SCN8A: variants seen among roughly 807,000 people sequenced by gnomAD.
SCN8A encodes the protein sodium voltage-gated channel alpha subunit 8.
In SCN8A, 30 loss-of-function variants were observed where a neutral mutation model predicts 184.1. The observed-to-expected ratio is 0.16, with a 90% CI of 0.12 to 0.22. SCN8A has a LOEUF of 0.22. Ranked by LOEUF, SCN8A falls within the 10% of genes least tolerant of loss-of-function variation. The pLI is 1.00. For synonymous variants in SCN8A, 852 were observed against 907.0 expected (o/e 0.94, Z 1.09); for missense variants, 1,057 against 2,498.9 (o/e 0.42, Z 12.30).
chr12:51,734,580 T>A (rs1942294021), intron 12 of SCN8A, among the ~76,000 whole-genome samples: 1 of 152,226 alleles, frequency 6.6e-6, no homozygotes, highest in African/African-American at 2.4e-5. Flanking sequence ...TTGCCGTCAT[T>A]CCTGTAAACC....
At chr12:51,776,397 A>G (rs1366208173) in intron 20 of SCN8A, among the ~76,000 whole-genome samples, 1 of 152,242 alleles carries the variant, frequency 6.6e-6, no homozygotes, top group Non-Finnish European at 1.5e-5. Context: ...CTTGATCATT[A>G]CATTACTGTG....
chr12:51,707,114 G>T (rs1358755350), intron 11 of SCN8A, among the ~76,000 whole-genome samples: 1 of 151,828 alleles, frequency 6.6e-6, no homozygotes, highest in African/African-American at 2.4e-5. Flanking sequence ...CCATTTATTT[G>T]TTGATGGGCA....
chr12:51,676,780 T>C (rs1388903800), intron 2 of SCN8A, among the ~76,000 whole-genome samples: 2 of 152,142 alleles, frequency 1.3e-5, no homozygotes, highest in Non-Finnish European at 2.9e-5. Context: ...TCTTGTTGAT[T>C]AGCTAAACCT....
intron 1 of SCN8A, among the ~76,000 whole-genome samples, chr12:51,635,416 G>A (rs1234957400): frequency 6.6e-6 from 1 of 152,204 alleles, no homozygotes; most frequent in African/African-American, 2.4e-5. Context: ...CATTGAATCA[G>A]TGCCAGGACC....
At chr12:51,704,701 G>T (rs1592391996) in intron 9 of SCN8A, among the ~76,000 whole-genome samples, 1 of 143,528 alleles carries the variant, frequency 7.0e-6, no homozygotes, top group East Asian at 2.2e-4. Flanking sequence ...GGGTCCGGGC[G>T]TGGTGGCTCA....
At chr12:51,720,927 C>T (rs1306956528) in intron 11 of SCN8A, among the ~76,000 whole-genome samples, 4 of 151,122 alleles carry the variant, frequency 2.6e-5, no homozygotes, top group Admixed American at 2.6e-4. Flanking sequence ...TTAGCCAGGG[C>T]GTGGTGGTGG....
At chr12:51,692,371 T>C (rs1475727070) in intron 6 of SCN8A, among the ~76,000 whole-genome samples, 2 of 152,240 alleles carry the variant, frequency 1.3e-5, no homozygotes, top group Non-Finnish European at 2.9e-5. Flanking sequence ...GATTGGACAG[T>C]AAGGTGCATC....
chr12:51,778,278 T>TTTTA (rs201643266), intron 20 of SCN8A, among the ~76,000 whole-genome samples: 8,182 of 151,884 alleles, frequency 0.054, 383 homozygotes, highest in African/African-American at 0.11. Flanking sequence ...TCCCTTTTTA[T>TTTTA]TTTATTTATT....
At chr12:51,668,380 C>T (rs1427062715) in intron 2 of SCN8A, among the ~76,000 whole-genome samples, 1 of 152,258 alleles carries the variant, frequency 6.6e-6, no homozygotes, top group South Asian at 2.1e-4. Flanking sequence ...CAAAAGCCCA[C>T]ACCACTGTTG....
rs1258250525 is a variant in SCN8A at position 51,811,048 on chromosome 12, C to G, written c.*3619C>G. 1 of 152,146 alleles carries G rather than the reference C, an allele frequency of 6.6e-6. No homozygotes were observed. Among genetic ancestry groups the G allele is most frequent in the Non-Finnish European group, 1.5e-5 (1 of 68,048 alleles). 9.4% of individuals were successfully genotyped at this position (152,146 alleles called of 1,614,324 possible). A position where few individuals can be genotyped will look rare whatever the true frequency, so the allele number is the denominator to read the frequency against. On this transcript the variant is annotated 3_prime_UTR_variant, in exon 27 of 27. Transcript: ENST00000627620. ...CCCTAATGAGACGTGATAAAAAGTC[C>G]ATCACTCCTCTAAGCCAAAAGGAAA... is the stretch of plus-strand genomic sequence containing the variant.
intron 2 of SCN8A, among the ~76,000 whole-genome samples, chr12:51,666,586 A>G (rs1941037720): frequency 6.6e-6 from 1 of 152,110 alleles, no homozygotes; most frequent in African/African-American, 2.4e-5. Context: ...GCAAAATAGA[A>G]TCTCTTTTCT....
At position 51,806,103 on chromosome 12, in the gene SCN8A, C is replaced by T. The variant is rs1938694493; in HGVS notation, c.4796-179C>T. Among the ~76,000 whole-genome samples the T allele has an allele frequency of 6.6e-6, 1 of 152,226 alleles. No homozygotes were observed. Among genetic ancestry groups the T allele is most frequent in the South Asian group, 2.1e-4 (1 of 4,832 alleles). On this transcript the variant is annotated intron_variant, in intron 26 of 26. Coordinates refer to ENST00000627620, the MANE Select transcript of SCN8A (RefSeq NM_001330260.2). This position sits in a 1 kb window ranked among gnomAD's most constrained non-coding sequence, Gnocchi z 8.7. ...TTGGCCTCCCAAAGTCCTGGGATTACAGGCGTGAGCCCCCATGCCCAGCCA... is the reference window on the plus strand; with the variant it reads ...TTGGCCTCCCAAAGTCCTGGGATTATAGGCGTGAGCCCCCATGCCCAGCCA...
intron 1 of SCN8A, among the ~76,000 whole-genome samples, chr12:51,601,713 C>G (rs1178800124): frequency 6.7e-6 from 1 of 149,524 alleles, no homozygotes; most frequent in African/African-American, 2.6e-5. Context: ...GTTGCCTTGT[C>G]TTTCACCTCG....
chr12:51,597,397 T>G (rs769413544), intron 1 of SCN8A, among the ~76,000 whole-genome samples: 50 of 152,112 alleles, frequency 3.3e-4, no homozygotes, highest in Non-Finnish European at 6.0e-4. Context: ...TATAAATTTT[T>G]GGGGGTTCCT....
chr12:51,705,333 T>C, intron 9 of SCN8A, 84 bp from the exon 10 acceptor site: 1 of 1,294,518 alleles, frequency 7.7e-7, no homozygotes, highest in Non-Finnish European at 1.1e-6. Context: ...AATAGTGCCC[T>C]TACAGAGGAA....
At chr12:51,620,792 A>C (rs779364945) in intron 1 of SCN8A, among the ~76,000 whole-genome samples, 1 of 151,908 alleles carries the variant, frequency 6.6e-6, no homozygotes, top group African/African-American at 2.4e-5. Context: ...GTTTGAGACC[A>C]GTCTGGGCAA....
At chr12:51,597,266 G>A (rs953468158) in intron 1 of SCN8A, among the ~76,000 whole-genome samples, 2 of 152,126 alleles carry the variant, frequency 1.3e-5, no homozygotes, top group African/African-American at 4.8e-5. Context: ...ACTATTGATG[G>A]TAGGCATCCT....
At chr12:51,606,565 A>G (rs1422276755) in intron 1 of SCN8A, among the ~76,000 whole-genome samples, 1 of 152,120 alleles carries the variant, frequency 6.6e-6, no homozygotes, top group Non-Finnish European at 1.5e-5. Flanking sequence ...TGCTTTGGCT[A>G]TGTGGGCTCT....
intron 21 of SCN8A, among the ~76,000 whole-genome samples, chr12:51,783,003 C>T (rs1238391882): frequency 6.6e-6 from 1 of 152,118 alleles, no homozygotes; most frequent in Non-Finnish European, 1.5e-5. Flanking sequence ...ATAATATGGT[C>T]AAGAACAAGT....
Sources: gnomAD v4.1 joint callset for allele counts (sites outside exome capture counted in the v4.1 genomes callset) on GRCh38, gnomAD v4.1.1 for gene constraint, Gnocchi (gnomAD v3.1) non-coding constraint, MANE v1.5 for transcripts, NCBI Gene and HGNC (gene_info 2026-07-23, HGNC 2026-07-21) for gene names.